CDH7: variants seen among roughly 807,000 people sequenced by gnomAD.
The protein encoded by CDH7 is cadherin-7.
In CDH7, 25 loss-of-function variants were observed where a neutral mutation model predicts 71.8. The ratio of observed to expected loss-of-function variants is 0.35; its 90% CI spans 0.25 to 0.49. The LOEUF (loss-of-function observed/expected upper bound fraction) is 0.49. Ranked by LOEUF, CDH7 falls within the 20% of genes least tolerant of loss-of-function variation. The pLI is 0.99. For missense variants in CDH7, 862 were observed against 974.6 expected, an observed-to-expected ratio of 0.88 and a Z score of 1.54; for synonymous variants, 381 against 363.8, an observed-to-expected ratio of 1.05 and a Z score of -0.54.
At chr18:65,857,325 TA>T (rs1913397777) in intron 7 of CDH7, among the ~76,000 whole-genome samples, 2 of 107,052 alleles carry the variant, frequency 1.9e-5, no homozygotes, top group African/African-American at 7.3e-5. Context: ...TCTATAATAA[TA>T]ATAATAATAA....
In CDH7 at chr18:65,762,740, C is replaced by G. The variant is rs895896644; in HGVS notation, c.-103C>G. The G allele has an allele frequency of 1.3e-5, 11 of 867,870 alleles. No homozygotes were observed. The highest frequency in any genetic ancestry group is 1.9e-5 in the Non-Finnish European group (11 of 569,156). 53.8% of individuals were successfully genotyped at this position (867,870 alleles called of 1,614,324 possible). A position where few individuals can be genotyped will look rare whatever the true frequency, so the allele number is the denominator to read the frequency against. On this transcript the variant is annotated 5_prime_UTR_variant, in exon 2 of 12. Transcript: ENST00000397968. The stretch of plus-strand genomic sequence containing the variant: ...CAGATTATTATCTCTGGACTCCCAG[C>G]TGACACCCTGCCGGAGGCAAGAGCT...
At chr18:65,871,504 C>A (rs1017029024) in intron 11 of CDH7, among the ~76,000 whole-genome samples, 21 of 152,098 alleles carry the variant, frequency 1.4e-4, no homozygotes, top group Admixed American at 1.1e-3. Flanking sequence ...GGACTTGAGG[C>A]ATATTCTTGG....
intron 2 of CDH7, among the ~76,000 whole-genome samples, chr18:65,784,101 C>T (rs1599003357): frequency 6.7e-6 from 1 of 149,380 alleles, no homozygotes; most frequent in East Asian, 2.0e-4. Context: ...ACAGGCATTA[C>T]CACCCACAGC....
rs761932207 is a variant in CDH7, at chr18:65,859,692, C to T, written c.1495-16C>T. The T allele has an allele frequency of 6.7e-6, 10 of 1,500,034 alleles. No individual in the cohort carries two copies. Among genetic ancestry groups the T allele is most frequent in the South Asian group, 1.1e-5 (1 of 88,804 alleles). 92.9% of individuals were successfully genotyped at this position (1,500,034 alleles called of 1,614,324 possible). A position where few individuals can be genotyped will look rare whatever the true frequency, so the allele number is the denominator to read the frequency against. On this transcript the variant is annotated splice_polypyrimidine_tract_variant and intron_variant, in intron 9 of 11. Coordinates refer to ENST00000397968, the MANE Select transcript of CDH7 (RefSeq NM_004361.5). ...CACACCAATGTGCTTTCATCTTTTA[C>T]TTTCTCTTTTCCTAGGTTATCCAGA...
chr18:65,821,145 A>AAG (rs1555686104), intron 4 of CDH7, among the ~76,000 whole-genome samples: 5 of 151,044 alleles, frequency 3.3e-5, no homozygotes, highest in East Asian at 1.9e-4. Flanking sequence ...AAAAAAAAAC[A>AAG]AGAAAAGAAA....
rs2144085104 is a variant in CDH7, at chr18:65,886,941, C to T, written c.*6047C>T. The T allele has an allele frequency of 6.6e-6, 1 of 152,150 alleles. No individual in the cohort carries two copies. 9.4% of individuals were successfully genotyped at this position (152,150 alleles called of 1,614,324 possible). ...TGATGCCAAGATGAATGTTAATAAG[C>T]TCTCTTCTCAACTTTAGCTCTTAGT... is the stretch of plus-strand genomic sequence containing the variant. On this transcript the variant is annotated 3_prime_UTR_variant, in exon 12 of 12. Transcript: ENST00000397968.
intron 11 of CDH7, among the ~76,000 whole-genome samples, chr18:65,876,992 C>T (rs1190595667): frequency 6.6e-6 from 1 of 152,144 alleles, no homozygotes; most frequent in Non-Finnish European, 1.5e-5. Flanking sequence ...ATGATAAAAC[C>T]TCTTAAAATA....
At chr18:65,877,457 G>T in intron 11 of CDH7, among the ~76,000 whole-genome samples, 1 of 152,084 alleles carries the variant, frequency 6.6e-6, no homozygotes, top group Non-Finnish European at 1.5e-5. Context: ...TTATAATTTT[G>T]AAATGTTTTG....
intron 11 of CDH7, among the ~76,000 whole-genome samples, chr18:65,867,786 T>C (rs1450447564): frequency 6.6e-6 from 1 of 152,170 alleles, no homozygotes; most frequent in African/African-American, 2.4e-5. Flanking sequence ...TCTGACACAA[T>C]TGGGATTAGT....
chr18:65,815,244 A>G (rs536451514), intron 4 of CDH7, among the ~76,000 whole-genome samples: 2 of 152,256 alleles, frequency 1.3e-5, no homozygotes, highest in South Asian at 4.2e-4. Flanking sequence ...TATCTTGGTT[A>G]TTAATTGATA....
At chr18:65,829,858 T>G (rs1912275994) in intron 6 of CDH7, among the ~76,000 whole-genome samples, 2 of 151,370 alleles carry the variant, frequency 1.3e-5, no homozygotes, top group African/African-American at 4.9e-5. Flanking sequence ...AATGTAGATG[T>G]CCCAGTTCCA....
intron 2 of CDH7, among the ~76,000 whole-genome samples, chr18:65,807,185 C>G (rs996433517): frequency 6.6e-6 from 1 of 152,036 alleles, no homozygotes; most frequent in Non-Finnish European, 1.5e-5. Context: ...GAGAAGCAAG[C>G]AGTATGAAAC....
intron 7 of CDH7, among the ~76,000 whole-genome samples, chr18:65,855,130 A>T (rs548376314): frequency 1.3e-5 from 2 of 152,154 alleles, no homozygotes; most frequent in South Asian, 4.2e-4. Context: ...CAAACCTGTG[A>T]TGAGTTTACC....
rs566548347 is a variant in CDH7 at position 65,859,439 on chromosome 18, T to A, written c.1495-269T>A. On this transcript the variant is annotated intron_variant, in intron 9 of 11. Transcript: ENST00000397968. The stretch of plus-strand genomic sequence containing the variant: ...TTTGTTCATCTATTGTTCAGTGTCT[T>A]GTGATGTTTCCTGGGATGTCTAATC... 8.5e-5 allele frequency among the ~76,000 whole-genome samples: 13 copies of A among 152,334 alleles called. No homozygotes were observed. In the South Asian group the frequency reaches 2.7e-3, roughly 32 times the overall value.
intron 1 of CDH7, among the ~76,000 whole-genome samples, chr18:65,757,025 G>A (rs1916048705): frequency 6.7e-6 from 1 of 149,564 alleles, no homozygotes; most frequent in Non-Finnish European, 1.5e-5. Context: ...ATTAGTAATT[G>A]ATATGCTAAT....
chr18:65,750,367 C>T (rs1286536021), upstream of CDH7: 1 of 152,190 alleles, frequency 6.6e-6, no homozygotes, highest in Admixed American at 6.5e-5. Flanking sequence ...TCACGGCTTT[C>T]ACGACAGGCT....
At chr18:65,764,094 TC>T (rs1327947389) in intron 2 of CDH7, among the ~76,000 whole-genome samples, 3 of 152,124 alleles carry the variant, frequency 2.0e-5, no homozygotes, top group Non-Finnish European at 4.4e-5. Context: ...ACTGAATTTA[TC>T]TATAAATCAG....
chr18:65,762,471 G>A (rs1340377677), intron 1 of CDH7, among the ~76,000 whole-genome samples, 176 bp from the exon 2 acceptor site: 2 of 151,930 alleles, frequency 1.3e-5, no homozygotes, highest in African/African-American at 4.8e-5. Flanking sequence ...ATATATCAAT[G>A]TATATTATAA....
intron 2 of CDH7, among the ~76,000 whole-genome samples, chr18:65,808,998 C>T (rs59835702): frequency 0.012 from 1,759 of 152,290 alleles, 35 homozygotes; most frequent in African/African-American, 0.041. Flanking sequence ...AGGTGCTGCC[C>T]TGCTGCTGAT....
Sources: gnomAD v4.1 joint callset for allele counts (sites outside exome capture counted in the v4.1 genomes callset) on GRCh38, gnomAD v4.1.1 for gene constraint, MANE v1.5 for transcripts, NCBI Gene and HGNC (gene_info 2026-07-23, HGNC 2026-07-21) for gene names.